Variants in DENND2A observed in about 807,000 individuals in gnomAD.
DENND2A encodes the protein DENN domain-containing protein 2A.
DENND2A carries 53 observed loss-of-function variants against 105.3 expected under a neutral mutation model. The observed-to-expected ratio is 0.50, with a 90% CI of 0.40 to 0.63. DENND2A has a LOEUF of 0.63. Ranked by LOEUF, DENND2A falls within the 30% of genes least tolerant of loss-of-function variation. DENND2A has a pLI of 0.00. For synonymous variants in DENND2A, 522 were observed against 508.4 expected, an observed-to-expected ratio of 1.03 and a Z score of -0.36; for missense variants, 1,138 against 1,279.6, an observed-to-expected ratio of 0.89 and a Z score of 1.69.
intron 1 of DENND2A, among the ~76,000 whole-genome samples, chr7:140,613,968 A>G (rs781067883): frequency 6.6e-6 from 1 of 152,096 alleles, no homozygotes; most frequent in Non-Finnish European, 1.5e-5. Context: ...TCAGAATGTG[A>G]CCACTTGCCT....
intron 1 of DENND2A, among the ~76,000 whole-genome samples, chr7:140,621,745 A>T (rs1383503563): frequency 6.6e-6 from 1 of 152,228 alleles, no homozygotes. Flanking sequence ...AATAAGATGC[A>T]CATGAATGTC....
intron 1 of DENND2A, among the ~76,000 whole-genome samples, chr7:140,613,236 G>A (rs996158788): frequency 4.0e-5 from 6 of 151,746 alleles, no homozygotes; most frequent in African/African-American, 9.7e-5. Flanking sequence ...AGCTATAATC[G>A]CACCTGTGAA....
At chr7:140,624,273 T>A (rs1313738057) in intron 1 of DENND2A, among the ~76,000 whole-genome samples, 1 of 152,148 alleles carries the variant, frequency 6.6e-6, no homozygotes, top group Non-Finnish European at 1.5e-5. Flanking sequence ...ATCCAGTGGG[T>A]TACTGGGAAC....
intron 19 of DENND2A, 103 bp from the exon 20 acceptor site, chr7:140,518,841 C>A (rs537032680): frequency 1.9e-6 from 2 of 1,037,674 alleles, no homozygotes; most frequent in Non-Finnish European, 3.0e-6. Context: ...GGGGCCCCCA[C>A]GCCACCCCAG....
At chr7:140,633,090 G>A (rs1050259655) in intron 1 of DENND2A, among the ~76,000 whole-genome samples, 4 of 149,738 alleles carry the variant, frequency 2.7e-5, no homozygotes, top group African/African-American at 9.9e-5. Context: ...GTGCAGTGGC[G>A]CAATCTCGGC....
intron 12 of DENND2A, among the ~76,000 whole-genome samples, chr7:140,548,227 T>C (rs908040641): frequency 1.3e-5 from 2 of 151,914 alleles, no homozygotes; most frequent in African/African-American, 4.8e-5. Flanking sequence ...GCTCAGCAAA[T>C]TGTGTACTTT....
At chr7:140,581,342 T>TCAG (rs1798533939) in intron 5 of DENND2A, among the ~76,000 whole-genome samples, 1 of 152,192 alleles carries the variant, frequency 6.6e-6, no homozygotes, top group Non-Finnish European at 1.5e-5. Context: ...CAGTTTGCGT[T>TCAG]CAGCAGCAGC....
chr7:140,588,756 T>A (rs1212078930), intron 3 of DENND2A, among the ~76,000 whole-genome samples: 2 of 144,458 alleles, frequency 1.4e-5, no homozygotes, highest in African/African-American at 5.3e-5. Context: ...CTTATCCACT[T>A]TTTTTGGCAC....
intron 12 of DENND2A, among the ~76,000 whole-genome samples, chr7:140,553,367 G>A (rs1204289384): frequency 6.6e-6 from 1 of 152,192 alleles, no homozygotes; most frequent in African/African-American, 2.4e-5. Context: ...CAGCCCTAAG[G>A]CGGTTTTTCC....
Position 140,518,669 on chromosome 7 carries a change from G to A in DENND2A, c.*38C>T, listed in dbSNP as rs1044905841. 2.5e-6 allele frequency: 4 copies of A among 1,604,794 alleles called. No individual in the cohort carries two copies. Among genetic ancestry groups the A allele is most frequent in the Non-Finnish European group, 3.4e-6 (4 of 1,171,732 alleles). On this transcript the variant is annotated 3_prime_UTR_variant, in exon 20 of 20. Transcript: ENST00000496613. ...ACCAGGAACTGTTTTTAAAGCATAG[G>A]GCTGCACTAGGAGGAAGTTTTCCCT...
At chr7:140,600,384 C>T (rs1247385232) in intron 3 of DENND2A, among the ~76,000 whole-genome samples, 1 of 149,006 alleles carries the variant, frequency 6.7e-6, no homozygotes, top group African/African-American at 2.5e-5. Context: ...GAAGAAAAGT[C>T]TCAGGTCTGG....
chr7:140,621,015 C>A (rs772236443), intron 1 of DENND2A, among the ~76,000 whole-genome samples: 2 of 152,036 alleles, frequency 1.3e-5, no homozygotes, highest in Non-Finnish European at 2.9e-5. Flanking sequence ...TATGTACATC[C>A]TCCCATATAC....
At chr7:140,538,858 C>G (rs981977344) in intron 14 of DENND2A, among the ~76,000 whole-genome samples, 1 of 152,040 alleles carries the variant, frequency 6.6e-6, no homozygotes, top group Non-Finnish European at 1.5e-5. Context: ...GAGTCTCGCT[C>G]TGTTGCCCAG....
At chr7:140,533,276 C>G (rs1449324943) in intron 14 of DENND2A, among the ~76,000 whole-genome samples, 1 of 152,226 alleles carries the variant, frequency 6.6e-6, no homozygotes, top group African/African-American at 2.4e-5. Context: ...CAGGCGTGAG[C>G]CACTGCACCT....
chr7:140,532,100 T>C (rs1796293088), intron 14 of DENND2A, among the ~76,000 whole-genome samples: 1 of 151,538 alleles, frequency 6.6e-6, no homozygotes, highest in African/African-American at 2.4e-5. Context: ...CTGTCTCTAC[T>C]GAAAATACAA....
chr7:140,522,018 C>T lies in DENND2A; in HGVS notation c.2748G>A (p.Leu916=), dbSNP rs754564650. 9.3e-6 allele frequency: 15 copies of T among 1,614,094 alleles called. No individual in the cohort carries two copies. The highest frequency in any genetic ancestry group is 1.6e-4 in the Middle Eastern group (1 of 6,084). The change falls in exon 18 of 20, where the codon TTG becomes TTA. Residue 916 remains leucine (L), a synonymous_variant. Coordinates refer to ENST00000496613, the MANE Select transcript of DENND2A (RefSeq NM_015689.5). ...CCTCACGCTCGCCCGACGTCAGGAA[C>T]AAAGAGTAGTGTCCCACAATCTCCA... is the stretch of plus-strand genomic sequence containing the variant. ...FFVEIVGHYS[L]FLTSGEREER... is the part of the protein sequence containing the mutation.
chr7:140,557,531 A>ATTTTTT (rs1156756617), intron 11 of DENND2A, among the ~76,000 whole-genome samples: 1 of 39,650 alleles, frequency 2.5e-5, no homozygotes, highest in African/African-American at 7.3e-5. Flanking sequence ...ATATATATAT[A>ATTTTTT]TTTTTTTTTT....
chr7:140,620,106 G>T (rs1437064784), intron 1 of DENND2A, among the ~76,000 whole-genome samples: 1 of 151,972 alleles, frequency 6.6e-6, no homozygotes, highest in Non-Finnish European at 1.5e-5. Context: ...TGAGGCAGGA[G>T]AATCGCTTGA....
intron 14 of DENND2A, among the ~76,000 whole-genome samples, chr7:140,539,487 T>C (rs1452583697): frequency 6.6e-6 from 1 of 152,172 alleles, no homozygotes; most frequent in Admixed American, 6.5e-5. Context: ...AGGGAGACTT[T>C]CCTTATACAT....
Sources: gnomAD v4.1 joint callset for allele counts (sites outside exome capture counted in the v4.1 genomes callset) on GRCh38, gnomAD v4.1.1 for gene constraint, MANE v1.5 for transcripts, NCBI Gene and HGNC (gene_info 2026-07-23, HGNC 2026-07-21) for gene names.